Variants in IGSF11 observed in about 807,000 individuals in gnomAD.
The protein encoded by IGSF11 is CXADR like 1.
In IGSF11, 22 loss-of-function variants were observed where a neutral mutation model predicts 41.0. The observed-to-expected ratio is 0.54, with a 90% CI of 0.38 to 0.77. The LOEUF is 0.77. Among genes scored for constraint, IGSF11 ranks in the 30% least tolerant of loss-of-function variants. The pLI is 0.00. For missense variants in IGSF11, 444 were observed against 530.8 expected (o/e 0.84, Z 1.61); for synonymous variants, 219 against 201.3 (o/e 1.09, Z -0.74).
chr3:118,999,118 A>T (rs1317618253), intron 1 of IGSF11, among the ~76,000 whole-genome samples: 1 of 152,072 alleles, frequency 6.6e-6, no homozygotes, highest in Non-Finnish European at 1.5e-5. Flanking sequence ...TTAAAAAAAA[A>T]ATCTGACAAT....
At chr3:119,142,701 A>G (rs915479006) in intron 1 of IGSF11, among the ~76,000 whole-genome samples, 4 of 152,212 alleles carry the variant, frequency 2.6e-5, no homozygotes, top group African/African-American at 7.2e-5. Context: ...GTAATGGCTG[A>G]AAATGTTACA....
chr3:119,073,111 A>C (rs886828537), intron 1 of IGSF11, among the ~76,000 whole-genome samples: 1 of 152,086 alleles, frequency 6.6e-6, no homozygotes, highest in African/African-American at 2.4e-5. Context: ...GTGTGTTTAT[A>C]AACCTTGAGC....
intron 1 of IGSF11, among the ~76,000 whole-genome samples, chr3:119,065,792 C>CAA (rs1193374379): frequency 0.23 from 12,979 of 55,584 alleles, 1,514 homozygotes; most frequent in African/African-American, 0.35. Context: ...GACTCTGTCT[C>CAA]AAAAAAAAAA....
rs1382799601 is a variant in IGSF11 at position 118,976,825 on chromosome 3, T to TC, written c.53-46551dup. Among the ~76,000 whole-genome samples the TC allele has an allele frequency of 3.3e-5, 5 of 152,356 alleles. 1 individual carries two copies. The highest frequency in any genetic ancestry group is 1.9e-4 in the East Asian group (1 of 5,182). On this transcript the variant is annotated intron_variant, in intron 1 of 6. Coordinates refer to ENST00000393775, the MANE Select transcript of IGSF11 (RefSeq NM_001015887.3). ...GAAAGATAACAGGAGAGTCCTTCCT[T>TC]CATTTGCCAACCCCCATAATGTAAC... is the stretch of plus-strand genomic sequence containing the variant.
At chr3:118,906,475 A>C (rs900515723) in intron 4 of IGSF11, among the ~76,000 whole-genome samples, 1 of 152,198 alleles carries the variant, frequency 6.6e-6, no homozygotes, top group Non-Finnish European at 1.5e-5. Context: ...TTGCAGAAAT[A>C]GGCCTGCATT....
intron 1 of IGSF11, among the ~76,000 whole-genome samples, chr3:119,085,922 A>C (rs2076663528): frequency 6.6e-6 from 1 of 152,232 alleles, no homozygotes; most frequent in African/African-American, 2.4e-5. Context: ...AAATGAAAGT[A>C]AACTCCATAG....
chr3:118,999,023 CT>C (rs1268174879), intron 1 of IGSF11, among the ~76,000 whole-genome samples: 10 of 151,788 alleles, frequency 6.6e-5, no homozygotes, highest in African/African-American at 2.4e-4. Flanking sequence ...AACTGTGCTA[CT>C]ACTTGTGTAG....
At chr3:119,122,961 G>A (rs1402838827) in intron 1 of IGSF11, among the ~76,000 whole-genome samples, 1 of 152,170 alleles carries the variant, frequency 6.6e-6, no homozygotes, top group Non-Finnish European at 1.5e-5. Context: ...CTTGAGAAAA[G>A]CAGAGGGAAA....
At position 118,902,465 on chromosome 3, in the gene IGSF11, C is replaced by G. The variant is rs1409616388; in HGVS notation, c.*55G>C. 6.8e-5 allele frequency: 56 copies of G among 823,730 alleles called. No homozygotes were observed. Among genetic ancestry groups the G allele is most frequent in the Non-Finnish European group, 2.2e-5 (11 of 495,920 alleles). 51.0% of individuals were successfully genotyped at this position (823,730 alleles called of 1,614,324 possible). A position where few individuals can be genotyped will look rare whatever the true frequency, so the allele number is the denominator to read the frequency against. On this transcript the variant is annotated 3_prime_UTR_variant, in exon 7 of 7. Transcript: ENST00000393775. ...CCAGCACTCCCCACCCCACCCTCCC[C>G]CTTGTATGAGGGCATTCCATTTATT...
intron 1 of IGSF11, among the ~76,000 whole-genome samples, chr3:119,032,828 T>G (rs1940540132): frequency 6.6e-6 from 1 of 152,228 alleles, no homozygotes; most frequent in Non-Finnish European, 1.5e-5. Context: ...TGCAAACTCC[T>G]TACGGGCTGC....
intron 1 of IGSF11, among the ~76,000 whole-genome samples, chr3:119,130,951 C>A (rs1330784834): frequency 6.6e-6 from 1 of 152,202 alleles, no homozygotes; most frequent in Non-Finnish European, 1.5e-5. Flanking sequence ...AACAGACCTG[C>A]AGCTGAGGGA....
intron 1 of IGSF11, among the ~76,000 whole-genome samples, chr3:118,982,237 G>A (rs779800612): frequency 2.6e-5 from 4 of 152,048 alleles, no homozygotes; most frequent in Non-Finnish European, 5.9e-5. Context: ...TCTCCACCAG[G>A]GCAGAGCTAG....
At chr3:119,140,841 C>G (rs958249699) in intron 1 of IGSF11, among the ~76,000 whole-genome samples, 29 of 132,112 alleles carry the variant, frequency 2.2e-4, no homozygotes, top group Admixed American at 1.8e-3. Flanking sequence ...GTCAGGAGTT[C>G]GAGACCAGTC....
chr3:118,963,563 T>C (rs1052235718), intron 1 of IGSF11, among the ~76,000 whole-genome samples: 1 of 152,108 alleles, frequency 6.6e-6, no homozygotes, highest in East Asian at 1.9e-4. Context: ...GGAGATAGGA[T>C]TCTGGGCCAG....
chr3:118,924,844 TA>T (rs1289203382), intron 4 of IGSF11, among the ~76,000 whole-genome samples: 2 of 151,814 alleles, frequency 1.3e-5, no homozygotes, highest in African/African-American at 2.4e-5. Context: ...TATTTTTGTT[TA>T]AAAAAAAGCA....
chr3:119,012,075 C>T (rs1281220231), intron 1 of IGSF11, among the ~76,000 whole-genome samples: 4 of 151,976 alleles, frequency 2.6e-5, no homozygotes, highest in Admixed American at 2.6e-4. Flanking sequence ...GAAAGAATTA[C>T]TGGTGGCAAG....
At chr3:118,908,863 GC>G (rs1559875350) in intron 4 of IGSF11, among the ~76,000 whole-genome samples, 2 of 152,204 alleles carry the variant, frequency 1.3e-5, no homozygotes, top group East Asian at 3.9e-4. Context: ...CAGTTAGACA[GC>G]CTAAGTTTGA....
At chr3:118,986,456 TGTTA>T (rs1935267598) in intron 1 of IGSF11, among the ~76,000 whole-genome samples, 2 of 152,232 alleles carry the variant, frequency 1.3e-5, no homozygotes, top group Admixed American at 1.3e-4. Context: ...TAACATTTTC[TGTTA>T]GTTTCTAATA....
At chr3:119,134,388 G>A (rs996184089) in intron 1 of IGSF11, among the ~76,000 whole-genome samples, 1 of 152,068 alleles carries the variant, frequency 6.6e-6, no homozygotes, top group Non-Finnish European at 1.5e-5. Flanking sequence ...AAATCAATGT[G>A]CAAAAATCAC....
Sources: gnomAD v4.1 joint callset for allele counts (sites outside exome capture counted in the v4.1 genomes callset) on GRCh38, gnomAD v4.1.1 for gene constraint, MANE v1.5 for transcripts, NCBI Gene and HGNC (gene_info 2026-07-23, HGNC 2026-07-21) for gene names.